LGMN: variants seen among roughly 807,000 people sequenced by gnomAD.
The protein encoded by LGMN is legumain.
In LGMN, 36 loss-of-function variants were observed where a neutral mutation model predicts 56.8. That is an observed-to-expected ratio of 0.63 (90% CI 0.49 to 0.84). The LOEUF is 0.84. Among genes scored for constraint, LGMN ranks in the 40% least tolerant of loss-of-function variants. The pLI, the probability that LGMN is intolerant of heterozygous loss-of-function variation, is 0.00. For synonymous variants in LGMN, 199 were observed against 210.1 expected (o/e 0.95, Z 0.46); for missense variants, 446 against 556.1 (o/e 0.80, Z 1.99).
At chr14:92,720,227 T>A (rs563638632) in intron 2 of LGMN, among the ~76,000 whole-genome samples, 1 of 152,384 alleles carries the variant, frequency 6.6e-6, no homozygotes, top group Admixed American at 6.5e-5. Flanking sequence ...AGCACTGTGC[T>A]AAGACTTTGT....
rs1566924059 is a variant in LGMN, at chr14:92,719,242, ACCGCC to A, written c.139-403_139-399del. Among the ~76,000 whole-genome samples, 63 of 22,822 alleles carry A rather than the reference ACCGCC, an allele frequency of 2.8e-3. 1 individual carries two copies. Among genetic ancestry groups the A allele is most frequent in the African/African-American group, 0.015 (60 of 3,890 alleles). The allele number at this position is 22,822 out of a possible 152,430, so 15.0% of individuals were successfully genotyped here. A position where few individuals can be genotyped will look rare whatever the true frequency, so the allele number is the denominator to read the frequency against. ...CAACACCACCACCGCCACCGCCACC[ACCGCC>A]ACCACCACCACCGCCACCGCCGCCG... On this transcript the variant is annotated intron_variant, in intron 2 of 13. Transcript: ENST00000334869.
intron 5 of LGMN, among the ~76,000 whole-genome samples, chr14:92,715,533 G>A (rs1266707466): frequency 6.6e-6 from 1 of 152,058 alleles, no homozygotes; most frequent in East Asian, 1.9e-4. Flanking sequence ...TAATCCACAC[G>A]AGCTTACTTG....
rs560024684 is a variant in LGMN, at chr14:92,703,955, T to TAAAG, written c.*360_*363dup. On this transcript the variant is annotated 3_prime_UTR_variant, in exon 14 of 14. Coordinates refer to ENST00000334869, the MANE Select transcript of LGMN (RefSeq NM_005606.7). ...CTTCAATAAAATCATTCTGAAGATTTAAAGAGGTTTCAGCTTCAAATTCTC... is the reference window on the plus strand; with the variant it reads ...CTTCAATAAAATCATTCTGAAGATTTAAAGAAAGAGGTTTCAGCTTCAAATTCTC... 238 of 580,856 alleles carry TAAAG rather than the reference T, an allele frequency of 4.1e-4. 6 individuals are homozygous for TAAAG. In the South Asian group the frequency reaches 4.7e-3, roughly 11 times the overall value. The allele number at this position is 580,856 out of a possible 1,614,324, so 36.0% of individuals were successfully genotyped here.
At chr14:92,739,579 G>C (rs1006768662) in intron 1 of LGMN, among the ~76,000 whole-genome samples, 3 of 152,182 alleles carry the variant, frequency 2.0e-5, no homozygotes, top group African/African-American at 7.2e-5. Flanking sequence ...AGAGAGAAGA[G>C]ACAGACCATT....
chr14:92,714,367 A>C lies in LGMN; in HGVS notation c.480+9T>G, dbSNP rs1240475951. On this transcript the variant is annotated intron_variant, in intron 6 of 13. Coordinates refer to ENST00000334869, the MANE Select transcript of LGMN (RefSeq NM_005606.7). The surrounding 1 kb of genome is among the most constrained non-coding windows in gnomAD (Gnocchi z 5.1). The stretch of plus-strand genomic sequence containing the variant: ...GCTAGTTTGTCCTTAAAACGTTAAG[A>C]AAACTCACATCTTCATTGGGAAAAA... 6.3e-7 allele frequency: 1 copy of C among 1,582,674 alleles called. No homozygotes were observed. Among genetic ancestry groups the C allele is most frequent in the South Asian group, 1.1e-5 (1 of 90,242 alleles).
intron 2 of LGMN, among the ~76,000 whole-genome samples, chr14:92,723,007 A>G (rs1462264246): frequency 2.6e-5 from 4 of 152,214 alleles, no homozygotes; most frequent in Admixed American, 2.6e-4. Flanking sequence ...TAGTTTCTCA[A>G]AGAGTCAAAC....
chr14:92,720,760 C>T (rs1466994208), intron 2 of LGMN, among the ~76,000 whole-genome samples: 1 of 152,234 alleles, frequency 6.6e-6, no homozygotes, highest in Non-Finnish European at 1.5e-5. Flanking sequence ...CACTACATTA[C>T]ATTACATTAC....
At chr14:92,712,477 G>T (rs529915630) in intron 8 of LGMN, among the ~76,000 whole-genome samples, 1 of 152,208 alleles carries the variant, frequency 6.6e-6, no homozygotes, top group Non-Finnish European at 1.5e-5. Context: ...GAGGGTCAAA[G>T]AGAGTCAGTC....
chr14:92,707,844 G>A (rs939880389), intron 11 of LGMN, among the ~76,000 whole-genome samples: 1 of 152,166 alleles, frequency 6.6e-6, no homozygotes, highest in African/African-American at 2.4e-5. Flanking sequence ...TTACACAGCT[G>A]TTTAAGCAAA....
At position 92,716,503 on chromosome 14, in the gene LGMN, C is replaced by T. The variant is rs536384176; in HGVS notation, c.319-282G>A. Among the ~76,000 whole-genome samples, 8 of 152,260 alleles carry T rather than the reference C, an allele frequency of 5.3e-5. No individual in the cohort carries two copies. The East Asian group carries it at 1.5e-3, about 29-fold the overall frequency. On this transcript the variant is annotated intron_variant, in intron 4 of 13. Transcript: ENST00000334869. ...GAAAAATTAGCCAGGCATCATGGCACCTGCCTGTAATCCCAGCTACTATGG... is the reference window on the plus strand; with the variant it reads ...GAAAAATTAGCCAGGCATCATGGCATCTGCCTGTAATCCCAGCTACTATGG...
intron 12 of LGMN, among the ~76,000 whole-genome samples, chr14:92,706,188 G>C (rs927710697): frequency 1.3e-5 from 2 of 152,172 alleles, no homozygotes; most frequent in Non-Finnish European, 2.9e-5. Context: ...AGACGAGGGT[G>C]GGGTTTGGCA....
chr14:92,738,444 A>G (rs966459915), intron 1 of LGMN, among the ~76,000 whole-genome samples: 10 of 151,248 alleles, frequency 6.6e-5, no homozygotes, highest in African/African-American at 2.4e-4. Context: ...TGCCTGGCTA[A>G]TTTTTTTGTA....
In LGMN at chr14:92,706,483, C is replaced by A. The variant is rs1468670727; in HGVS notation, c.1191G>T (p.Thr397=). 1 of 1,539,474 alleles carries A rather than the reference C, an allele frequency of 6.5e-7. No homozygotes were observed. The highest frequency in any genetic ancestry group is 8.8e-7 in the Non-Finnish European group (1 of 1,130,590). The change falls in exon 12 of 14, where the codon ACG becomes ACT. Residue 397 remains threonine (T), a splice_region_variant and synonymous_variant. Coordinates refer to ENST00000334869, the MANE Select transcript of LGMN (RefSeq NM_005606.7). ...RTHCFNWHSP[T]YEYALRHLYV... is the part of the protein sequence containing the mutation. ...TCATGGGGAGAGCCTGCTGGCTCAC[C>A]GTGGGGGAGTGCCAGTTGAAGCAGT...
In LGMN at chr14:92,732,893, G is replaced by GT; in HGVS notation, c.-29-79dup. ...TGGCTGGGCGCGGTGGCTCACACCT[G>GT]TAATTCCAGCACTTTGGGAGGCCGA... On this transcript the variant is annotated intron_variant, in intron 1 of 13. Coordinates refer to ENST00000334869, the MANE Select transcript of LGMN (RefSeq NM_005606.7). 2.6e-6 allele frequency: 3 copies of GT among 1,164,306 alleles called. No individual in the cohort carries two copies. The African/African-American group carries it at 4.7e-5, about 18-fold the overall frequency. 72.1% of individuals were successfully genotyped at this position (1,164,306 alleles called of 1,614,324 possible).
intron 4 of LGMN, among the ~76,000 whole-genome samples, chr14:92,717,057 A>G (rs745312974): frequency 1.3e-5 from 2 of 152,246 alleles, no homozygotes; most frequent in Non-Finnish European, 1.5e-5. Context: ...GATTTTTATA[A>G]AAGAGCACAG....
At chr14:92,704,578 G>A in intron 13 of LGMN, 62 bp downstream of exon 13, 1 of 1,394,184 alleles carries the variant, frequency 7.2e-7, no homozygotes, top group South Asian at 1.1e-5. Context: ...AGAAGAGGAT[G>A]GCAGCCCCTT....
chr14:92,719,308 GCCACCGCCGCCGCCGCCA>G (rs1890313151), intron 2 of LGMN, among the ~76,000 whole-genome samples: 1 of 26,788 alleles, frequency 3.7e-5, no homozygotes, highest in Admixed American at 3.6e-4. Flanking sequence ...CGCCACCGCC[GCCACCGCCGCCGCCGCCA>G]CCGCCACCGC....
At chr14:92,740,308 A>G (rs1023706144) in intron 1 of LGMN, among the ~76,000 whole-genome samples, 12 of 152,236 alleles carry the variant, frequency 7.9e-5, no homozygotes, top group African/African-American at 1.9e-4. Flanking sequence ...GGAGTGGCAC[A>G]GAGTGGCACA....
At chr14:92,719,499 C>A (rs891978665) in intron 2 of LGMN, among the ~76,000 whole-genome samples, 3 of 152,206 alleles carry the variant, frequency 2.0e-5, no homozygotes, top group Non-Finnish European at 1.5e-5. Context: ...ATATAATAGT[C>A]TCTGGAAAGC....
Sources: allele counts gnomAD v4.1 joint callset (sites outside exome capture counted in the v4.1 genomes callset), GRCh38; gene constraint gnomAD v4.1.1; non-coding constraint Gnocchi (gnomAD v3.1); transcripts MANE v1.5; gene names NCBI Gene and HGNC (gene_info 2026-07-23, HGNC 2026-07-21).